Variants in SYT1 observed in about 807,000 individuals in gnomAD.
SYT1 encodes synaptotagmin-1.
A neutral mutation model predicts 44.8 loss-of-function variants in SYT1; 8 were observed. The ratio of observed to expected loss-of-function variants is 0.18; its 90% CI spans 0.10 to 0.32. The LOEUF (loss-of-function observed/expected upper bound fraction) is 0.32, where lower values mean the gene tolerates loss of function less well. Among genes scored for constraint, SYT1 ranks in the 10% least tolerant of loss-of-function variants. The pLI is 1.00. For synonymous variants in SYT1, 154 were observed against 188.8 expected (o/e 0.82, Z 1.51); for missense variants, 286 against 509.3 (o/e 0.56, Z 4.22).
intron 2 of SYT1, among the ~76,000 whole-genome samples, chr12:78,992,032 C>T (rs1279457711): frequency 6.6e-6 from 1 of 152,146 alleles, no homozygotes; most frequent in Non-Finnish European, 1.5e-5. Context: ...CCTTTTCATA[C>T]CACTGCCCTT....
chr12:79,268,658 T>G (rs749102176), intron 4 of SYT1, among the ~76,000 whole-genome samples: 1 of 152,192 alleles, frequency 6.6e-6, no homozygotes, highest in Admixed American at 6.5e-5. Context: ...TATATTCCAG[T>G]TTCCTCTTTG....
chr12:79,396,575 G>A (rs186193445), intron 9 of SYT1, among the ~76,000 whole-genome samples: 182 of 152,124 alleles, frequency 1.2e-3, no homozygotes, highest in African/African-American at 4.2e-3. Flanking sequence ...GTCCTTTTCT[G>A]TCAGAATAAA....
chr12:79,349,056 A>AGAAAGAAAGGAG (rs1882766307), intron 8 of SYT1, among the ~76,000 whole-genome samples: 3 of 125,864 alleles, frequency 2.4e-5, no homozygotes, highest in African/African-American at 8.9e-5. Context: ...AAAGAAAGAA[A>AGAAAGAAAGGAG]GGAGGGAGGG....
chr12:79,160,147 G>A (rs909613169), intron 3 of SYT1, among the ~76,000 whole-genome samples: 1 of 152,050 alleles, frequency 6.6e-6, no homozygotes, highest in African/African-American at 2.4e-5. Flanking sequence ...CAGATGGTGA[G>A]GGAGAGACAT....
At chr12:79,186,255 T>G (rs1349699730) in intron 3 of SYT1, among the ~76,000 whole-genome samples, 1 of 152,052 alleles carries the variant, frequency 6.6e-6, no homozygotes, top group African/African-American at 2.4e-5. Context: ...CTACCTCACT[T>G]GCATGATACC....
At chr12:79,239,680 T>C (rs929183787) in intron 4 of SYT1, among the ~76,000 whole-genome samples, 1 of 152,244 alleles carries the variant, frequency 6.6e-6, no homozygotes, top group Non-Finnish European at 1.5e-5. Context: ...ACAGTTTACA[T>C]GAATTAGAAA....
chr12:79,431,425 T>C (rs181774010), intron 9 of SYT1, among the ~76,000 whole-genome samples: 12 of 152,214 alleles, frequency 7.9e-5, no homozygotes, highest in South Asian at 2.1e-4. Flanking sequence ...CATAAAAGTC[T>C]GTGGAATCAG....
At chr12:78,993,857 C>T (rs547405638) in intron 2 of SYT1, among the ~76,000 whole-genome samples, 2 of 152,286 alleles carry the variant, frequency 1.3e-5, no homozygotes, top group Admixed American at 6.5e-5. Flanking sequence ...TGATGCTCTT[C>T]CTCATTCTCA....
intron 4 of SYT1, among the ~76,000 whole-genome samples, chr12:79,220,649 A>G (rs1217314305): frequency 6.6e-6 from 1 of 152,024 alleles, no homozygotes. Context: ...TTTGTCTTCA[A>G]GAAATGTTTG....
chr12:78,916,161 G>A (rs563484240), intron 1 of SYT1, among the ~76,000 whole-genome samples: 1 of 152,154 alleles, frequency 6.6e-6, no homozygotes, highest in African/African-American at 2.4e-5. Flanking sequence ...AAGTAGTTAA[G>A]CTCTGTGGTT....
chr12:79,389,968 T>A (rs1173793166), intron 9 of SYT1, among the ~76,000 whole-genome samples: 1 of 152,018 alleles, frequency 6.6e-6, no homozygotes, highest in Non-Finnish European at 1.5e-5. Flanking sequence ...AGTCTTGCTC[T>A]GTTGCCCAGG....
chr12:79,277,748 A>G (rs1371405126), intron 4 of SYT1, among the ~76,000 whole-genome samples: 1 of 152,034 alleles, frequency 6.6e-6, no homozygotes, highest in Non-Finnish European at 1.5e-5. Context: ...CATAATCCAA[A>G]TATCTACCTC....
intron 3 of SYT1, among the ~76,000 whole-genome samples, chr12:79,051,912 G>A (rs912631080): frequency 6.6e-6 from 1 of 152,096 alleles, no homozygotes; most frequent in African/African-American, 2.4e-5. Flanking sequence ...CCAGTACCCT[G>A]CTGTTTCAGT....
At chr12:78,922,405 T>C (rs975191559) in intron 1 of SYT1, among the ~76,000 whole-genome samples, 8 of 151,794 alleles carry the variant, frequency 5.3e-5, no homozygotes, top group Admixed American at 4.6e-4. Context: ...TAATTTATCA[T>C]ATAAAATGTT....
chr12:79,221,401 C>A (rs1875152413), intron 4 of SYT1, among the ~76,000 whole-genome samples: 1 of 152,014 alleles, frequency 6.6e-6, no homozygotes, highest in Non-Finnish European at 1.5e-5. Context: ...AACCTATTTA[C>A]ATTTAAAGTA....
intron 1 of SYT1, among the ~76,000 whole-genome samples, chr12:78,874,466 T>A (rs1873966447): frequency 6.6e-6 from 1 of 151,608 alleles, no homozygotes; most frequent in South Asian, 2.1e-4. Flanking sequence ...TGGATTCAGA[T>A]AGCCAACTCT....
intron 2 of SYT1, among the ~76,000 whole-genome samples, chr12:78,990,869 G>A (rs1030940523): frequency 6.6e-6 from 1 of 152,144 alleles, no homozygotes; most frequent in South Asian, 2.1e-4. Flanking sequence ...TGCAGCTCAA[G>A]CTCACTTGTG....
chr12:79,062,827 G>A (rs915294849), intron 3 of SYT1, among the ~76,000 whole-genome samples: 9 of 151,984 alleles, frequency 5.9e-5, no homozygotes, highest in African/African-American at 2.2e-4. Flanking sequence ...ACCATTTATC[G>A]AATGCCTACC....
At chr12:79,086,873 G>A (rs925006718) in intron 3 of SYT1, among the ~76,000 whole-genome samples, 1 of 152,088 alleles carries the variant, frequency 6.6e-6, no homozygotes, top group African/African-American at 2.4e-5. Context: ...AGGCCTCCAG[G>A]CATTTCACAT....
Sources: gnomAD v4.1 joint callset for allele counts (sites outside exome capture counted in the v4.1 genomes callset) on GRCh38, gnomAD v4.1.1 for gene constraint, MANE v1.5 for transcripts, NCBI Gene and HGNC (gene_info 2026-07-23, HGNC 2026-07-21) for gene names.